The following ADRA1B variants were observed in gnomAD, a reference collection of about 807,000 sequenced individuals.
ADRA1B encodes the protein alpha-1B adrenergic receptor.
ADRA1B carries 17 observed loss-of-function variants against 17.9 expected under a neutral mutation model. That is an observed-to-expected ratio of 0.95 (90% CI 0.65 to 1.42). The LOEUF (loss-of-function observed/expected upper bound fraction) is 1.42. ADRA1B is among the 40% of genes most tolerant of loss of function. ADRA1B has a pLI of 0.00. For synonymous variants in ADRA1B, 366 were observed against 327.6 expected, an observed-to-expected ratio of 1.12 and a Z score of -1.27; for missense variants, 681 against 722.1, an observed-to-expected ratio of 0.94 and a Z score of 0.65.
At chr5:159,870,153 A>C (rs911413907) in intron 1 of ADRA1B, 9 of 152,162 alleles carry the variant, frequency 5.9e-5, no homozygotes, top group Admixed American at 3.3e-4. Context: ...GAGGAAGGAG[A>C]CTCATCTAGA....
At chr5:159,981,640 C>T in the ADRA1B span, among the ~76,000 whole-genome samples, 1 of 152,172 alleles carries the variant, frequency 6.6e-6, no homozygotes, top group Non-Finnish European at 1.5e-5. Flanking sequence ...GGACTACAGG[C>T]ACCCACCACC....
At position 159,917,070 on chromosome 5, in the gene ADRA1B, C is replaced by A; in HGVS notation, c.165C>A (p.Phe55Leu). Residue 55 changes from phenylalanine (F) to leucine (L), a missense_variant, in exon 1 of 2, where the codon TTC (phenylalanine) becomes TTA (leucine). Physicochemically the swap from Phe to Leu is conservative, Grantham distance 22 (BLOSUM62 0). Coordinates refer to ENST00000306675, the MANE Select transcript of ADRA1B (RefSeq NM_000679.4). Reference sequence around the variant, plus strand: ...CTGTGGGCCTGGTGCTGGGCGCCTTCATCCTCTTTGCCATCGTGGGCAACA... The same window carrying A: ...CTGTGGGCCTGGTGCTGGGCGCCTTAATCCTCTTTGCCATCGTGGGCAACA... ...AISVGLVLGA[F>L]ILFAIVGNIL... 1 of 1,614,178 alleles carries A rather than the reference C, an allele frequency of 6.2e-7. No homozygotes were observed. The highest frequency in any genetic ancestry group is 8.5e-7 in the Non-Finnish European group (1 of 1,180,020).
chr5:159,950,863 A>T (rs1330730792), intron 1 of ADRA1B: 1 of 594,152 alleles, frequency 1.7e-6, no homozygotes, highest in East Asian at 3.7e-5. Context: ...CAGCCTTGGC[A>T]GTGCCAGTAG....
intron 1 of ADRA1B, among the ~76,000 whole-genome samples, chr5:159,885,804 A>G (rs1350595383): frequency 6.6e-5 from 10 of 152,216 alleles, no homozygotes; most frequent in Non-Finnish European, 1.5e-5. Flanking sequence ...CAAGTTAGAC[A>G]GTGTTTACCA....
chr5:159,920,677 C>T (rs929760582), intron 1 of ADRA1B, among the ~76,000 whole-genome samples: 2 of 152,112 alleles, frequency 1.3e-5, no homozygotes, highest in Admixed American at 6.5e-5. Context: ...TACTCAAGAG[C>T]TTCAAACAAA....
At position 159,930,796 on chromosome 5, in the gene ADRA1B, T is replaced by C. The variant is rs561353766; in HGVS notation, c.949+12942T>C. 5.7e-4 allele frequency among the ~76,000 whole-genome samples: 87 copies of C among 151,926 alleles called. 1 individual carries two copies. The highest frequency in any genetic ancestry group is 1.1e-3 in the Non-Finnish European group (73 of 67,938). ...ATAACCTCTGTATTATTTCACATGGTGCAATAAGCAAATACTCTATTTGTG... is the reference window on the plus strand; with the variant it reads ...ATAACCTCTGTATTATTTCACATGGCGCAATAAGCAAATACTCTATTTGTG... On this transcript the variant is annotated intron_variant, in intron 1 of 1. Transcript: ENST00000306675.
chr5:159,876,108 G>C (rs1425459345), intron 1 of ADRA1B, among the ~76,000 whole-genome samples: 1 of 152,174 alleles, frequency 6.6e-6, no homozygotes, highest in East Asian at 1.9e-4. Flanking sequence ...AGAATCGCTT[G>C]AACTCAGGAG....
chr5:159,959,926 A>G (rs1755633572), intron 1 of ADRA1B, among the ~76,000 whole-genome samples: 1 of 152,198 alleles, frequency 6.6e-6, no homozygotes, highest in Admixed American at 6.5e-5. Flanking sequence ...ATTTGAGGCC[A>G]GGAAGATTAG....
intron 1 of ADRA1B, among the ~76,000 whole-genome samples, chr5:159,906,261 T>G (rs967193974): frequency 6.6e-5 from 10 of 152,000 alleles, no homozygotes; most frequent in African/African-American, 2.4e-4. Flanking sequence ...TATGAGACAT[T>G]CAACCAAGTT....
At chr5:159,920,684 C>G (rs1188966168) in intron 1 of ADRA1B, among the ~76,000 whole-genome samples, 1 of 152,144 alleles carries the variant, frequency 6.6e-6, no homozygotes, top group South Asian at 2.1e-4. Flanking sequence ...GAGCTTCAAA[C>G]AAAGAAGGTA....
intron 1 of ADRA1B, among the ~76,000 whole-genome samples, chr5:159,899,808 T>C (rs1196049641): frequency 6.6e-6 from 1 of 152,194 alleles, no homozygotes; most frequent in Non-Finnish European, 1.5e-5. Flanking sequence ...GCTATTAATG[T>C]GTTGTGTGTC....
At chr5:159,893,573 G>A (rs1754009497) in intron 1 of ADRA1B, among the ~76,000 whole-genome samples, 1 of 152,216 alleles carries the variant, frequency 6.6e-6, no homozygotes, top group Admixed American at 6.5e-5. Context: ...TACTAAGCCA[G>A]GAAGAAGGGA....
At chr5:159,874,886 G>T (rs76108862) in intron 1 of ADRA1B, among the ~76,000 whole-genome samples, 1 of 152,152 alleles carries the variant, frequency 6.6e-6, no homozygotes, top group Non-Finnish European at 1.5e-5. Flanking sequence ...CACGAAAAGG[G>T]TATGTCCTTG....
intron 1 of ADRA1B, among the ~76,000 whole-genome samples, chr5:159,939,158 T>C (rs1755034258): frequency 6.6e-6 from 1 of 151,890 alleles, no homozygotes; most frequent in African/African-American, 2.4e-5. Flanking sequence ...CACTGTGATC[T>C]GGAATAAACA....
chr5:159,877,530 T>A (rs1372810803), intron 1 of ADRA1B, among the ~76,000 whole-genome samples: 1 of 152,038 alleles, frequency 6.6e-6, no homozygotes, highest in African/African-American at 2.4e-5. Context: ...CACTTTCATA[T>A]CTCATATCTC....
intron 1 of ADRA1B, among the ~76,000 whole-genome samples, chr5:159,967,709 G>T (rs572682935): frequency 6.6e-6 from 1 of 152,314 alleles, no homozygotes; most frequent in South Asian, 2.1e-4. Context: ...CAAGGGCAAA[G>T]AATGGCCCTT....
chr5:159,919,290 T>C (rs1754412852), intron 1 of ADRA1B, among the ~76,000 whole-genome samples: 1 of 152,234 alleles, frequency 6.6e-6, no homozygotes, highest in South Asian at 2.1e-4. Flanking sequence ...CTTGCTTTTC[T>C]TTCCCAAGGT....
In ADRA1B at chr5:159,891,768, C is replaced by T. The variant is rs557846821; in HGVS notation, c.-255-24351C>T. 8.5e-5 allele frequency among the ~76,000 whole-genome samples: 13 copies of T among 152,280 alleles called. No individual in the cohort carries two copies. The South Asian group carries it at 1.7e-3, about 19-fold the overall frequency. ...GCATGCAACAAGGGCAAAGTGGTAG[C>T]GGAGAAACCAGAATTGGGCACAAAC... On this transcript the variant is annotated intron_variant, in intron 1 of 2. Coordinates refer to the ADRA1B transcript ENST00000641205.
At chr5:159,939,316 TGTGTGTGC>T (rs1484567086) in intron 1 of ADRA1B, among the ~76,000 whole-genome samples, 7 of 119,590 alleles carry the variant, frequency 5.9e-5, no homozygotes, top group South Asian at 2.6e-4. Context: ...TGTGTGTGTG[TGTGTGTGC>T]GCGCGCGCGC....
Sources: allele counts gnomAD v4.1 joint callset (sites outside exome capture counted in the v4.1 genomes callset), GRCh38; gene constraint gnomAD v4.1.1; transcripts MANE v1.5; gene names NCBI Gene and HGNC (gene_info 2026-07-23, HGNC 2026-07-21).